The following CRISPLD1 variants were observed in gnomAD, a reference collection of about 807,000 sequenced individuals.
The protein encoded by CRISPLD1 is cysteine-rich secretory protein LCCL domain-containing 1.
Under a neutral mutation model 77.5 loss-of-function variants are expected in CRISPLD1, and 60 were observed. The observed-to-expected ratio is 0.77, with a 90% CI of 0.63 to 0.96. CRISPLD1 has a LOEUF of 0.96. Among genes scored for constraint, CRISPLD1 ranks in the 40% least tolerant of loss-of-function variants. CRISPLD1 has a pLI of 0.00. For missense variants in CRISPLD1, 623 were observed against 615.8 expected, an observed-to-expected ratio of 1.01 and a Z score of -0.12; for synonymous variants, 195 against 200.1, an observed-to-expected ratio of 0.97 and a Z score of 0.22.
intron 12 of CRISPLD1, among the ~76,000 whole-genome samples, chr8:75,021,879 A>T (rs1484822506): frequency 2.0e-5 from 3 of 152,160 alleles, no homozygotes; most frequent in Non-Finnish European, 4.4e-5. Context: ...CTAAGTACGA[A>T]TATTATGCCT....
chr8:75,028,924 A>C (rs1240337579), intron 13 of CRISPLD1, among the ~76,000 whole-genome samples: 1 of 152,162 alleles, frequency 6.6e-6, no homozygotes, highest in Non-Finnish European at 1.5e-5. Flanking sequence ...TCATATGCAG[A>C]ACTATGGTGG....
At chr8:75,023,147 A>C (rs1321980439) in intron 12 of CRISPLD1, among the ~76,000 whole-genome samples, 1 of 152,128 alleles carries the variant, frequency 6.6e-6, no homozygotes, top group African/African-American at 2.4e-5. Context: ...GCTGTTAAAA[A>C]CAGATTGGAA....
rs1812490039 is a variant in CRISPLD1, at chr8:74,986,031, T to C, written c.44T>C (p.Leu15Pro). Reference protein sequence around the residue: ...AREWLRVTTVLFMARAIPAMV... With the variant: ...AREWLRVTTVPFMARAIPAMV... ...GAGTGGCTCAGAGTAACCACAGTGCTGTTCATGGCTAGAGCAATTCCAGCC... is the reference window on the plus strand; with the variant it reads ...GAGTGGCTCAGAGTAACCACAGTGCCGTTCATGGCTAGAGCAATTCCAGCC... Residue 15 changes from leucine (L) to proline (P), a missense_variant, in exon 2 of 15, where the codon CTG becomes CCG. Transcript: ENST00000262207. The C allele has an allele frequency of 1.2e-6, 2 of 1,614,022 alleles. No individual in the cohort carries two copies. Among genetic ancestry groups the C allele is most frequent in the African/African-American group, 1.3e-5 (1 of 74,896 alleles).
intron 2 of CRISPLD1, among the ~76,000 whole-genome samples, chr8:74,989,756 T>C (rs1271999174): frequency 1.3e-5 from 2 of 152,166 alleles, no homozygotes; most frequent in African/African-American, 4.8e-5. Flanking sequence ...TTAAGCACCA[T>C]TGGTCTATTT....
At chr8:75,028,326 A>G (rs1164172143) in intron 13 of CRISPLD1, among the ~76,000 whole-genome samples, 1 of 152,192 alleles carries the variant, frequency 6.6e-6, no homozygotes, top group Non-Finnish European at 1.5e-5. Flanking sequence ...ACAACACAGT[A>G]ATAATGCAAG....
chr8:74,996,101 G>T (rs1011566969), intron 2 of CRISPLD1, among the ~76,000 whole-genome samples: 2 of 149,920 alleles, frequency 1.3e-5, no homozygotes, highest in African/African-American at 2.4e-5. Context: ...ATACATCATG[G>T]ATGTTTATAC....
At chr8:75,030,062 T>C (rs558891466) in intron 14 of CRISPLD1, among the ~76,000 whole-genome samples, 1 of 152,274 alleles carries the variant, frequency 6.6e-6, no homozygotes, top group Non-Finnish European at 1.5e-5. Context: ...AAAATTCATG[T>C]AACTCACTTT....
At chr8:74,998,603 G>T (rs1812681627) in intron 2 of CRISPLD1, among the ~76,000 whole-genome samples, 2 of 143,546 alleles carry the variant, frequency 1.4e-5, no homozygotes, top group African/African-American at 5.4e-5. Flanking sequence ...CAGGAGAATT[G>T]CTTGAACCTG....
At chr8:75,019,772 AGAAAAT>A (rs1813100064) in intron 10 of CRISPLD1, 92 bp from the exon 11 acceptor site, 1 of 905,840 alleles carries the variant, frequency 1.1e-6, no homozygotes, top group African/African-American at 1.7e-5. Flanking sequence ...GTGTTTAAAA[AGAAAAT>A]TAAGTGTTCA....
chr8:75,001,782 G>A (rs998406921), intron 2 of CRISPLD1, among the ~76,000 whole-genome samples: 2 of 152,142 alleles, frequency 1.3e-5, no homozygotes, highest in Non-Finnish European at 2.9e-5. Flanking sequence ...AAACAACCTT[G>A]TTCTGTCAAG....
rs1204691215 is a variant in CRISPLD1 at position 75,032,282 on chromosome 8, A to T, written c.*40A>T. 11 of 1,478,776 alleles carry T rather than the reference A, an allele frequency of 7.4e-6. No homozygotes were observed. The highest frequency in any genetic ancestry group is 1.8e-5 in the Admixed American group (1 of 56,196). 91.6% of individuals were successfully genotyped at this position (1,478,776 alleles called of 1,614,324 possible). ...AAGAGGACCATAAAGACTATTCCAA[A>T]TGCAATATTTCTGAATTTTGTATAA... On this transcript the variant is annotated 3_prime_UTR_variant, in exon 15 of 15. Coordinates refer to ENST00000262207, the MANE Select transcript of CRISPLD1 (RefSeq NM_031461.6).
rs570283294 is a variant in CRISPLD1 at position 74,985,915 on chromosome 8, T to A, written c.-62-11T>A. On this transcript the variant is annotated splice_polypyrimidine_tract_variant and intron_variant, in intron 1 of 14. Transcript: ENST00000262207. ...GAATTTTCATCTTAATCACATGACATGTCGTTATAGCCAAAAGGAGTGGAA... is the reference window on the plus strand; with the variant it reads ...GAATTTTCATCTTAATCACATGACAAGTCGTTATAGCCAAAAGGAGTGGAA... 100 of 1,487,846 alleles carry A rather than the reference T, an allele frequency of 6.7e-5. No homozygotes were observed. The East Asian group carries it at 2.1e-3, about 32-fold the overall frequency. The allele number at this position is 1,487,846 out of a possible 1,614,324, so 92.2% of individuals were successfully genotyped here. A position where few individuals can be genotyped will look rare whatever the true frequency, so the allele number is the denominator to read the frequency against.
In CRISPLD1 at chr8:75,012,904, C is replaced by T. The variant is rs200273072; in HGVS notation, c.392C>T (p.Thr131Met). 25 of 1,611,496 alleles carry T rather than the reference C, an allele frequency of 1.6e-5. No individual in the cohort carries two copies. Among genetic ancestry groups the T allele is most frequent in the East Asian group, 1.1e-4 (5 of 44,824 alleles). The part of the protein sequence containing the change: ...GAHWGRYRPP[T>M]FHVQSWYDEV... ...CTTTCTAATAGATATAGGCCCCCGACGTTTCATGTACAATCGTGGTATGAT... is the reference window on the plus strand; with the variant it reads ...CTTTCTAATAGATATAGGCCCCCGATGTTTCATGTACAATCGTGGTATGAT... Residue 131 changes from threonine to methionine, a missense_variant, in exon 4 of 15, where the codon ACG (threonine) becomes ATG (methionine). By Grantham distance (81) the Thr-to-Met change is moderately conservative (BLOSUM62 -1). Transcript: ENST00000262207.
chr8:75,007,486 A>T (rs1413335240), intron 2 of CRISPLD1, among the ~76,000 whole-genome samples: 1 of 151,988 alleles, frequency 6.6e-6, no homozygotes, highest in Non-Finnish European at 1.5e-5. Flanking sequence ...ATGTATCTAG[A>T]TAGCTGCATA....
At chr8:74,985,642 G>A (rs1252790106) in intron 1 of CRISPLD1, among the ~76,000 whole-genome samples, 6 of 152,088 alleles carry the variant, frequency 3.9e-5, no homozygotes, top group African/African-American at 1.4e-4. Context: ...GTATTTTCAA[G>A]CTTTGACTCT....
In CRISPLD1 at chr8:75,012,554, A is replaced by G. The variant is rs752770964; in HGVS notation, c.377+3A>G. 6 of 1,541,612 alleles carry G rather than the reference A, an allele frequency of 3.9e-6. No homozygotes were observed. The highest frequency in any genetic ancestry group is 2.2e-5 in the South Asian group (2 of 89,548). ...AATTTGGGAGCACACTGGGGAAGGT[A>G]TCTTAAAGCACAACTTTTTCTTTAT... is the stretch of plus-strand genomic sequence containing the variant. On this transcript the variant is annotated splice_donor_region_variant and intron_variant, in intron 3 of 14. Coordinates refer to ENST00000262207, the MANE Select transcript of CRISPLD1 (RefSeq NM_031461.6).
intron 2 of CRISPLD1, among the ~76,000 whole-genome samples, chr8:74,996,229 TCTTA>T (rs371404133): frequency 4.0e-5 from 6 of 151,644 alleles, no homozygotes; most frequent in African/African-American, 7.3e-5. Flanking sequence ...CTAACCATGT[TCTTA>T]CTTTCCTAAA....
At chr8:74,999,933 T>C (rs759526159) in intron 2 of CRISPLD1, among the ~76,000 whole-genome samples, 48 of 150,792 alleles carry the variant, frequency 3.2e-4, no homozygotes, top group Non-Finnish European at 1.0e-4. Context: ...TGCTGGATAG[T>C]GAAAGTGAAA....
chr8:75,025,742 G>C, intron 13 of CRISPLD1, 121 bp downstream of exon 13: 1 of 394,078 alleles, frequency 2.5e-6, no homozygotes, highest in Non-Finnish European at 4.6e-6. Flanking sequence ...GTTAATGTGT[G>C]TTCTCAGAAG....
Sources: gnomAD v4.1 joint callset for allele counts (sites outside exome capture counted in the v4.1 genomes callset) on GRCh38, gnomAD v4.1.1 for gene constraint, MANE v1.5 for transcripts, NCBI Gene and HGNC (gene_info 2026-07-23, HGNC 2026-07-21) for gene names.